Variants in ELMO1 observed in about 807,000 individuals in gnomAD.
The protein encoded by ELMO1 is engulfment and cell motility 1.
Under a neutral mutation model 98.9 loss-of-function variants are expected in ELMO1, and 26 were observed. The ratio of observed to expected loss-of-function variants is 0.26; its 90% CI spans 0.19 to 0.36. The LOEUF (loss-of-function observed/expected upper bound fraction) is 0.36. Among genes scored for constraint, ELMO1 ranks in the 10% least tolerant of loss-of-function variants. The probability of loss-of-function intolerance (pLI) is 1.00; values close to 1 mark genes in which losing one functional copy is unlikely to be tolerated. For missense variants in ELMO1, 627 were observed against 935.2 expected, an observed-to-expected ratio of 0.67 and a Z score of 4.30; for synonymous variants, 346 against 346.0, an observed-to-expected ratio of 1.00 and a Z score of 0.00.
intron 14 of ELMO1, among the ~76,000 whole-genome samples, chr7:37,125,932 T>A (rs1047672186): frequency 3.3e-5 from 5 of 152,014 alleles, no homozygotes; most frequent in African/African-American, 1.2e-4. Flanking sequence ...ATTAAGAAAA[T>A]GTGGCACATA....
chr7:37,008,676 T>A (rs147502334), intron 16 of ELMO1, among the ~76,000 whole-genome samples: 4 of 152,302 alleles, frequency 2.6e-5, no homozygotes, highest in African/African-American at 9.6e-5. Context: ...GGGTGATGTA[T>A]CCTTTTAAAA....
chr7:37,331,357 G>GTTTTTTTTTT (rs1371395526), intron 2 of ELMO1, among the ~76,000 whole-genome samples: 4 of 77,198 alleles, frequency 5.2e-5, no homozygotes, highest in South Asian at 5.7e-4. Context: ...TTTTTTTTTG[G>GTTTTTTTTTT]AATTTTAGTA....
rs141922594 is a variant in ELMO1 at position 37,170,430 on chromosome 7, G to A, written c.1087-37196C>T. Among the ~76,000 whole-genome samples, 11 of 152,312 alleles carry A rather than the reference G, an allele frequency of 7.2e-5. No homozygotes were observed. In the East Asian group the frequency reaches 2.1e-3, roughly 29 times the overall value. Reference sequence around the variant, plus strand: ...AGTTACTAACCCTAGGCACCAAATGGTGGTTGGAAGTGCTGGGATCTGTTC... The same window carrying A: ...AGTTACTAACCCTAGGCACCAAATGATGGTTGGAAGTGCTGGGATCTGTTC... On this transcript the variant is annotated intron_variant, in intron 13 of 21. Transcript: ENST00000310758.
At chr7:37,313,413 C>T (rs376696806) in intron 4 of ELMO1, among the ~76,000 whole-genome samples, 1 of 152,042 alleles carries the variant, frequency 6.6e-6, no homozygotes, top group African/African-American at 2.4e-5. Flanking sequence ...TTAGTAGAGA[C>T]GGGGTTTCAC....
chr7:37,198,786 G>C (rs1444698817), intron 13 of ELMO1, among the ~76,000 whole-genome samples: 1 of 152,224 alleles, frequency 6.6e-6, no homozygotes, highest in Non-Finnish European at 1.5e-5. Flanking sequence ...TACACTCAGG[G>C]ACGAAGGATT....
At chr7:37,020,777 C>T (rs1243611116) in intron 15 of ELMO1, among the ~76,000 whole-genome samples, 2 of 152,128 alleles carry the variant, frequency 1.3e-5, no homozygotes, top group Admixed American at 1.3e-4. Flanking sequence ...GGAAATGGTG[C>T]ACTTTGAAAA....
intron 15 of ELMO1, 168 bp from the exon 16 acceptor site, chr7:37,013,603 C>T (rs1443458381): frequency 1.3e-6 from 1 of 748,458 alleles, no homozygotes; most frequent in East Asian, 2.8e-5. Flanking sequence ...GGCCCCCATA[C>T]AACTCGGAAG....
chr7:37,190,018 C>T (rs987855321), intron 13 of ELMO1, among the ~76,000 whole-genome samples: 5 of 121,378 alleles, frequency 4.1e-5, no homozygotes, highest in African/African-American at 1.6e-4. Flanking sequence ...TTTCTAGAGA[C>T]ATTTTATCGT....
intron 5 of ELMO1, among the ~76,000 whole-genome samples, chr7:37,267,038 TACACACACACACACAC>T (rs60344761): frequency 0.017 from 1,736 of 100,318 alleles, 117 homozygotes; most frequent in African/African-American, 0.055. Flanking sequence ...TATGTATATA[TACACACACACACACAC>T]ACACACACAC....
At chr7:37,388,336 C>T (rs571521112) in intron 1 of ELMO1, among the ~76,000 whole-genome samples, 2 of 151,956 alleles carry the variant, frequency 1.3e-5, no homozygotes, top group Non-Finnish European at 2.9e-5. Flanking sequence ...CAAGACTTAC[C>T]AAGACCAAAA....
chr7:37,034,388 T>C (rs145867960), intron 15 of ELMO1, among the ~76,000 whole-genome samples: 2,930 of 152,260 alleles, frequency 0.019, 32 homozygotes, highest in Middle Eastern at 0.044. Context: ...CTCTGGCCTC[T>C]GTAATCATGA....
At chr7:37,166,836 T>C (rs1789733499) in intron 13 of ELMO1, among the ~76,000 whole-genome samples, 1 of 152,222 alleles carries the variant, frequency 6.6e-6, no homozygotes. Flanking sequence ...AGGAGAGTTC[T>C]GTAGATGTCT....
At chr7:37,168,985 G>T (rs545992187) in intron 13 of ELMO1, among the ~76,000 whole-genome samples, 1 of 152,204 alleles carries the variant, frequency 6.6e-6, no homozygotes, top group African/African-American at 2.4e-5. Context: ...AGCTGTGGTG[G>T]GCTCCAACCA....
intron 13 of ELMO1, among the ~76,000 whole-genome samples, chr7:37,193,833 CTTGTGCACACACAT>C (rs1366493109): frequency 6.6e-6 from 1 of 152,208 alleles, no homozygotes; most frequent in East Asian, 1.9e-4. Context: ...TGCACACACA[CTTGTGCACACACAT>C]GTAATACATG....
At chr7:37,334,153 A>G (rs1800270859) in intron 2 of ELMO1, among the ~76,000 whole-genome samples, 1 of 152,208 alleles carries the variant, frequency 6.6e-6, no homozygotes, top group Admixed American at 6.5e-5. Context: ...TTCATGAGTG[A>G]TTCTGATACA....
At chr7:37,228,388 C>G (rs1793982453) in intron 8 of ELMO1, among the ~76,000 whole-genome samples, 1 of 152,194 alleles carries the variant, frequency 6.6e-6, no homozygotes, top group African/African-American at 2.4e-5. Flanking sequence ...ATGATTCCCT[C>G]TGCCTTTCAA....
At chr7:37,011,999 A>G (rs1337362424) in intron 16 of ELMO1, among the ~76,000 whole-genome samples, 1 of 152,196 alleles carries the variant, frequency 6.6e-6, no homozygotes, top group African/African-American at 2.4e-5. Flanking sequence ...GTCCTCCGGC[A>G]TAGCTGCTCA....
At chr7:37,058,335 A>AT (rs766912198) in intron 15 of ELMO1, among the ~76,000 whole-genome samples, 9 of 152,128 alleles carry the variant, frequency 5.9e-5, no homozygotes, top group Non-Finnish European at 8.8e-5. Context: ...CGTAGGAGAG[A>AT]TTTTTTAGCT....
In ELMO1 at chr7:36,855,385, G is replaced by T; in HGVS notation, c.*166C>A. 1.3e-6 allele frequency: 1 copy of T among 797,232 alleles called. No homozygotes were observed. The highest frequency in any genetic ancestry group is 2.0e-6 in the Non-Finnish European group (1 of 497,302). 49.4% of individuals were successfully genotyped at this position (797,232 alleles called of 1,614,324 possible). On this transcript the variant is annotated 3_prime_UTR_variant, in exon 22 of 22. Transcript: ENST00000310758. The surrounding 1 kb of genome is among the most constrained non-coding windows in gnomAD (Gnocchi z 4.2). ...AATCAGGGCGGTGAGCAAGATGCCA[G>T]CTAGGGGCTGAAAGTTGCCAGGGCT...
Sources: allele counts gnomAD v4.1 joint callset (sites outside exome capture counted in the v4.1 genomes callset), GRCh38; gene constraint gnomAD v4.1.1; non-coding constraint Gnocchi (gnomAD v3.1); transcripts MANE v1.5; gene names NCBI Gene and HGNC (gene_info 2026-07-23, HGNC 2026-07-21).